The following MYRIP variants were observed in gnomAD, a reference collection of about 807,000 sequenced individuals.
MYRIP encodes myosin VIIA and Rab interacting protein.
A neutral mutation model predicts 98.0 loss-of-function variants in MYRIP; 49 were observed. The ratio of observed to expected loss-of-function variants is 0.50; its 90% CI spans 0.40 to 0.63. The LOEUF is 0.63. MYRIP is among the 30% of genes least tolerant of loss of function. The pLI is 0.00. For synonymous variants in MYRIP, 404 were observed against 409.5 expected, an observed-to-expected ratio of 0.99 and a Z score of 0.16; for missense variants, 1,004 against 1,058.2, an observed-to-expected ratio of 0.95 and a Z score of 0.71.
At chr3:39,922,351 C>T (rs182182705) in intron 2 of MYRIP, among the ~76,000 whole-genome samples, 37 of 152,310 alleles carry the variant, frequency 2.4e-4, no homozygotes, top group African/African-American at 8.9e-4. Flanking sequence ...GGCCTCCACC[C>T]CTACCTAGAA....
intron 3 of MYRIP, among the ~76,000 whole-genome samples, chr3:40,108,985 G>A (rs181000212): frequency 5.9e-5 from 9 of 152,300 alleles, no homozygotes; most frequent in African/African-American, 1.7e-4. Context: ...GTACCAGATA[G>A]AGACAATCCC....
chr3:39,985,066 A>T (rs1272485365), intron 2 of MYRIP, among the ~76,000 whole-genome samples: 7 of 111,880 alleles, frequency 6.3e-5, no homozygotes, highest in African/African-American at 3.4e-4. Flanking sequence ...CCACTTTTTG[A>T]TGGGGTTTTG....
chr3:39,893,613 A>T (rs138621448), intron 1 of MYRIP, among the ~76,000 whole-genome samples: 181 of 152,012 alleles, frequency 1.2e-3, no homozygotes, highest in African/African-American at 4.0e-3. Flanking sequence ...AAGACATCCT[A>T]TTGCCCAGAG....
chr3:40,036,452 A>G (rs1176857795), intron 2 of MYRIP, among the ~76,000 whole-genome samples: 1 of 152,058 alleles, frequency 6.6e-6, no homozygotes, highest in East Asian at 1.9e-4. Context: ...GTGAAGCAAT[A>G]AAGAAAATTA....
At chr3:40,027,917 A>G (rs748200608) in intron 2 of MYRIP, among the ~76,000 whole-genome samples, 2 of 152,090 alleles carry the variant, frequency 1.3e-5, no homozygotes, top group Non-Finnish European at 2.9e-5. Flanking sequence ...AGTCAATTTC[A>G]CAAACATCTT....
intron 7 of MYRIP, among the ~76,000 whole-genome samples, chr3:40,167,909 C>G (rs1429368325): frequency 6.6e-6 from 1 of 152,220 alleles, no homozygotes; most frequent in African/African-American, 2.4e-5. Flanking sequence ...TCCATGCTCT[C>G]TCTGTGAACA....
chr3:40,196,026 C>G (rs1291947537), intron 10 of MYRIP, among the ~76,000 whole-genome samples: 2 of 151,928 alleles, frequency 1.3e-5, no homozygotes, highest in African/African-American at 4.8e-5. Context: ...ACCTAATATT[C>G]TCATCACGTT....
At chr3:40,135,203 T>C (rs1265245993) in intron 3 of MYRIP, among the ~76,000 whole-genome samples, 1 of 152,166 alleles carries the variant, frequency 6.6e-6, no homozygotes, top group Non-Finnish European at 1.5e-5. Context: ...CTGATGGAGC[T>C]GAAAACTATG....
intron 13 of MYRIP, among the ~76,000 whole-genome samples, chr3:40,245,913 A>ATTTT (rs55637614): frequency 2.4e-4 from 28 of 115,616 alleles, no homozygotes; most frequent in East Asian, 1.9e-3. Flanking sequence ...CACCCAGCTA[A>ATTTT]TTTTTTTTTT....
chr3:39,821,890 A>G (rs1941112449), intron 1 of MYRIP, among the ~76,000 whole-genome samples: 1 of 152,200 alleles, frequency 6.6e-6, no homozygotes, highest in Non-Finnish European at 1.5e-5. Context: ...TTGAAAAGAA[A>G]GTTATTGGTT....
intron 3 of MYRIP, among the ~76,000 whole-genome samples, chr3:40,143,774 T>C (rs922148659): frequency 6.6e-6 from 1 of 152,194 alleles, no homozygotes; most frequent in African/African-American, 2.4e-5. Flanking sequence ...TCACACATCT[T>C]ATCATTTTTG....
intron 3 of MYRIP, among the ~76,000 whole-genome samples, chr3:40,128,145 G>C (rs1309721249): frequency 6.6e-6 from 1 of 152,162 alleles, no homozygotes; most frequent in Non-Finnish European, 1.5e-5. Context: ...CGGTTCAAGA[G>C]GCCAAAGAAA....
chr3:40,192,358 A>ATATATATGTCATATATATTTATC, intron 10 of MYRIP, among the ~76,000 whole-genome samples: 1 of 63,186 alleles, frequency 1.6e-5, no homozygotes, highest in African/African-American at 6.3e-5. Context: ...ATATATTTAT[A>ATATATATGTCATATATATTTATC]TTTATTTAAG....
At chr3:39,930,818 A>G (rs1944522237) in intron 2 of MYRIP, among the ~76,000 whole-genome samples, 2 of 152,122 alleles carry the variant, frequency 1.3e-5, no homozygotes, top group Non-Finnish European at 2.9e-5. Context: ...ATCCTTGTCT[A>G]TAACCAATTC....
intron 1 of MYRIP, among the ~76,000 whole-genome samples, chr3:39,888,288 G>C (rs1159602105): frequency 6.6e-6 from 1 of 152,038 alleles, no homozygotes; most frequent in Non-Finnish European, 1.5e-5. Context: ...ATACTACAAG[G>C]CTACAGTAAC....
chr3:40,210,144 G>A (rs1332340355), intron 11 of MYRIP, 51 bp downstream of exon 11: 5 of 1,580,710 alleles, frequency 3.2e-6, no homozygotes, highest in Non-Finnish European at 3.4e-6. Flanking sequence ...GCAGTGGGGT[G>A]TTGGAGAAAG....
At chr3:40,204,472 A>T (rs1215680134) in intron 10 of MYRIP, among the ~76,000 whole-genome samples, 1 of 150,936 alleles carries the variant, frequency 6.6e-6, no homozygotes, top group Non-Finnish European at 1.5e-5. Flanking sequence ...CTGAACCACC[A>T]CGCCTGGCCA....
At chr3:40,182,979 A>G (rs970423340) in intron 9 of MYRIP, among the ~76,000 whole-genome samples, 2 of 152,220 alleles carry the variant, frequency 1.3e-5, no homozygotes, top group Non-Finnish European at 2.9e-5. Context: ...GCCTGTGGGA[A>G]GCCTTCAGAG....
chr3:40,147,224 T>C (rs1950028142), intron 3 of MYRIP, among the ~76,000 whole-genome samples: 1 of 152,194 alleles, frequency 6.6e-6, no homozygotes, highest in Non-Finnish European at 1.5e-5. Context: ...GCGACCTCTA[T>C]GACTTTAACT....
Sources: allele counts gnomAD v4.1 joint callset (sites outside exome capture counted in the v4.1 genomes callset), GRCh38; gene constraint gnomAD v4.1.1; transcripts MANE v1.5; gene names NCBI Gene and HGNC (gene_info 2026-07-23, HGNC 2026-07-21).